Variants in PHC3 observed in about 807,000 individuals in gnomAD.
PHC3 encodes polyhomeotic-like protein 3.
A neutral mutation model predicts 107.4 loss-of-function variants in PHC3; 13 were observed. The observed-to-expected ratio is 0.12, with a 90% CI of 0.08 to 0.19. The LOEUF (loss-of-function observed/expected upper bound fraction) is 0.19. Among genes scored for constraint, PHC3 ranks in the 10% least tolerant of loss-of-function variants. The pLI, the probability that PHC3 is intolerant of heterozygous loss-of-function variation, is 1.00. For missense variants in PHC3, 992 were observed against 1,210.9 expected (o/e 0.82, Z 2.68); for synonymous variants, 456 against 427.4 (o/e 1.07, Z -0.83).
At chr3:170,111,604 ATGTT>A (rs1258344953) in intron 11 of PHC3, among the ~76,000 whole-genome samples, 1 of 152,224 alleles carries the variant, frequency 6.6e-6, no homozygotes, top group East Asian at 1.9e-4. Flanking sequence ...ATTCTAATGA[ATGTT>A]TGAAATTTTT....
chr3:170,131,976 GTTTAT>G (rs1312968061), intron 7 of PHC3, among the ~76,000 whole-genome samples: 2 of 152,122 alleles, frequency 1.3e-5, no homozygotes, highest in African/African-American at 2.4e-5. Context: ...ATCAAAGTGT[GTTTAT>G]TTTTAGTCCA....
chr3:170,172,796 G>A (rs1405943090), intron 2 of PHC3, 84 bp from the exon 3 acceptor site: 5 of 1,448,234 alleles, frequency 3.5e-6, no homozygotes, highest in Non-Finnish European at 3.7e-6. Flanking sequence ...AAAAGTGGCA[G>A]TTTAAAATTT....
At chr3:170,173,362 T>C (rs1254856012) in intron 2 of PHC3, among the ~76,000 whole-genome samples, 1 of 152,224 alleles carries the variant, frequency 6.6e-6, no homozygotes, top group Non-Finnish European at 1.5e-5. Context: ...AGAATACTAC[T>C]ACTACCTGGG....
Position 170,097,147 on chromosome 3 carries a change from A to G in PHC3, c.*83T>C. The G allele has an allele frequency of 7.1e-7, 1 of 1,406,692 alleles. No individual in the cohort carries two copies. The highest frequency in any genetic ancestry group is 9.6e-7 in the Non-Finnish European group (1 of 1,046,398). The allele number at this position is 1,406,692 out of a possible 1,614,324, so 87.1% of individuals were successfully genotyped here. ...GGCTATCCACCACAATAAGTGTCAT[A>G]TTCTAGACCAAGTTAGGCCTTTACC... On this transcript the variant is annotated 3_prime_UTR_variant, in exon 15 of 15. Transcript: ENST00000495893. This position sits in a 1 kb window ranked among gnomAD's most constrained non-coding sequence, Gnocchi z 4.1.
chr3:170,105,002 C>T (rs953225310), intron 12 of PHC3, among the ~76,000 whole-genome samples: 1 of 152,198 alleles, frequency 6.6e-6, no homozygotes, highest in African/African-American at 2.4e-5. Flanking sequence ...AATGGTTCTT[C>T]CCTGACCTAA....
intron 2 of PHC3, among the ~76,000 whole-genome samples, chr3:170,173,850 T>C (rs531718821): frequency 1.3e-5 from 2 of 152,330 alleles, no homozygotes; most frequent in South Asian, 4.1e-4. Context: ...TACTCTTCTA[T>C]AGATGTCTGA....
chr3:170,110,830 T>C (rs994715477), intron 11 of PHC3, among the ~76,000 whole-genome samples: 5 of 152,228 alleles, frequency 3.3e-5, no homozygotes, highest in African/African-American at 1.2e-4. Flanking sequence ...TTCCATGTTC[T>C]TCCTATTGTG....
intron 11 of PHC3, among the ~76,000 whole-genome samples, chr3:170,110,459 T>G (rs1717426952): frequency 6.6e-6 from 1 of 152,194 alleles, no homozygotes; most frequent in Admixed American, 6.5e-5. Context: ...TCGCTGTTTA[T>G]CCTAAATCTA....
chr3:170,171,858 T>G (rs559895736), intron 3 of PHC3, among the ~76,000 whole-genome samples: 2 of 152,234 alleles, frequency 1.3e-5, no homozygotes, highest in Non-Finnish European at 2.9e-5. Flanking sequence ...GCTGAGAATC[T>G]GTTGGTAACA....
At chr3:170,110,435 A>G (rs541741356) in intron 11 of PHC3, among the ~76,000 whole-genome samples, 21 of 152,174 alleles carry the variant, frequency 1.4e-4, no homozygotes, top group Non-Finnish European at 2.6e-4. Context: ...TTAGTGTTCT[A>G]ATCTGAAATG....
chr3:170,102,618 G>A lies in PHC3; in HGVS notation c.2694C>T (p.Ser898=), dbSNP rs376350771. The A allele has an allele frequency of 7.6e-5, 122 of 1,613,764 alleles. 1 individual carries two copies. Among genetic ancestry groups the A allele is most frequent in the Non-Finnish European group, 2.1e-5 (25 of 1,179,856 alleles). The change falls in exon 14 of 15, where the codon AGC becomes AGT. Residue 898 remains serine, a synonymous_variant. Transcript: ENST00000495893. ...GAAGCTCACGTTCTCTTTCCCGCTCGCTCTGCCTGCGCAGACGAGTTGTCA... is the reference window on the plus strand; with the variant it reads ...GAAGCTCACGTTCTCTTTCCCGCTCACTCTGCCTGCGCAGACGAGTTGTCA... The part of the protein sequence containing the change: ...SAMTTRLRRQ[S]ERERERELRD...
intron 1 of PHC3, among the ~76,000 whole-genome samples, chr3:170,180,350 A>G (rs1482174726): frequency 1.3e-5 from 2 of 152,042 alleles, no homozygotes; most frequent in African/African-American, 2.4e-5. Flanking sequence ...TTGAGAGGCT[A>G]AGGTGGGGAA....
At chr3:170,122,086 C>A (rs1442666673) in intron 9 of PHC3, among the ~76,000 whole-genome samples, 1 of 151,990 alleles carries the variant, frequency 6.6e-6, no homozygotes. Context: ...GACCCTATCT[C>A]TAAAAAATAA....
At chr3:170,116,967 A>C (rs1719119782) in intron 10 of PHC3, among the ~76,000 whole-genome samples, 1 of 152,062 alleles carries the variant, frequency 6.6e-6, no homozygotes, top group Non-Finnish European at 1.5e-5. Flanking sequence ...ACTTCCAACT[A>C]CCTTTCTCTA....
At position 170,090,312 on chromosome 3, in the gene PHC3, T is replaced by C. The variant is rs775671878; in HGVS notation, c.*6918A>G. ...CTCTCAGTATATTAAGTAGTAATGA[T>C]TATGTTCATATTTATTTAAGCCACA... is the stretch of plus-strand genomic sequence containing the variant. On this transcript the variant is annotated 3_prime_UTR_variant, in exon 15 of 15. Transcript: ENST00000495893. 1.3e-5 allele frequency: 2 copies of C among 152,248 alleles called. No individual in the cohort carries two copies. The highest frequency in any genetic ancestry group is 2.9e-5 in the Non-Finnish European group (2 of 68,044). 9.4% of individuals were successfully genotyped at this position (152,248 alleles called of 1,614,324 possible).
intron 12 of PHC3, among the ~76,000 whole-genome samples, chr3:170,105,544 A>G (rs1227643284): frequency 6.6e-6 from 1 of 152,246 alleles, no homozygotes; most frequent in Non-Finnish European, 1.5e-5. Context: ...TAATAGATGT[A>G]CATAGTTTTA....
rs1363914919 is a variant in PHC3 at position 170,094,679 on chromosome 3, A to G, written c.*2551T>C. 6.6e-6 allele frequency: 1 copy of G among 152,216 alleles called. No homozygotes were observed. Among genetic ancestry groups the G allele is most frequent in the East Asian group, 1.9e-4 (1 of 5,200 alleles). The allele number at this position is 152,216 out of a possible 1,614,324, so 9.4% of individuals were successfully genotyped here. On this transcript the variant is annotated 3_prime_UTR_variant, in exon 15 of 15. Transcript: ENST00000495893. ...AAAGAAACAGCTGCACCAATGTGAT[A>G]GCAAACAAGCCATTTTTAAATAAAA...
intron 4 of PHC3, among the ~76,000 whole-genome samples, chr3:170,162,248 CAT>C (rs913414827): frequency 3.9e-5 from 6 of 152,204 alleles, no homozygotes; most frequent in Admixed American, 2.0e-4. Context: ...GAAGGAGCCA[CAT>C]GAGACATCAT....
intron 4 of PHC3, among the ~76,000 whole-genome samples, chr3:170,166,455 C>T (rs1728761813): frequency 3.9e-5 from 6 of 152,214 alleles, no homozygotes; most frequent in Admixed American, 3.9e-4. Flanking sequence ...ATCCAAGTCT[C>T]TCTGTAGACA....
Sources: allele counts gnomAD v4.1 joint callset (sites outside exome capture counted in the v4.1 genomes callset), GRCh38; gene constraint gnomAD v4.1.1; non-coding constraint Gnocchi (gnomAD v3.1); transcripts MANE v1.5; gene names NCBI Gene and HGNC (gene_info 2026-07-23, HGNC 2026-07-21).